Variants in PRUNE2 observed in about 807,000 individuals in gnomAD.
PRUNE2 encodes protein prune homolog 2.
In PRUNE2, 164 loss-of-function variants were observed where a neutral mutation model predicts 252.0. That is an observed-to-expected ratio of 0.65 (90% CI 0.57 to 0.74). The LOEUF is 0.74. PRUNE2 is among the 30% of genes least tolerant of loss of function. The pLI, the probability that PRUNE2 is intolerant of heterozygous loss-of-function variation, is 0.00. For synonymous variants in PRUNE2, 1,292 were observed against 1,350.2 expected, an observed-to-expected ratio of 0.96 and a Z score of 0.94; for missense variants, 3,495 against 3,711.0, an observed-to-expected ratio of 0.94 and a Z score of 1.51.
intron 1 of PRUNE2, among the ~76,000 whole-genome samples, chr9:76,859,490 T>A (rs2060437438): frequency 6.6e-6 from 1 of 152,084 alleles, no homozygotes; most frequent in African/African-American, 2.4e-5. Flanking sequence ...AGAAGCAAGG[T>A]TGCTGCTGCC....
At chr9:76,694,266 T>C (rs2134537181) in intron 9 of PRUNE2, among the ~76,000 whole-genome samples, 1 of 151,740 alleles carries the variant, frequency 6.6e-6, no homozygotes, top group Non-Finnish European at 1.5e-5. Flanking sequence ...CACTGCAACC[T>C]CTGCCTCCCA....
At chr9:76,737,221 GT>G (rs1370295938) in intron 6 of PRUNE2, 2 of 152,164 alleles carry the variant, frequency 1.3e-5, no homozygotes, top group Non-Finnish European at 2.9e-5. Context: ...CTATTTATTA[GT>G]AAGCTGCCAG....
chr9:76,617,446 C>T (rs962606523), intron 18 of PRUNE2, among the ~76,000 whole-genome samples: 8 of 151,748 alleles, frequency 5.3e-5, no homozygotes, highest in African/African-American at 1.9e-4. Context: ...TGTAAAGGTG[C>T]CAGAAGAAGT....
intron 6 of PRUNE2, among the ~76,000 whole-genome samples, chr9:76,746,255 G>A (rs1478921921): frequency 1.3e-5 from 2 of 152,174 alleles, no homozygotes; most frequent in Admixed American, 6.5e-5. Context: ...TTCAGGATTG[G>A]AACTGGTCAC....
chr9:76,621,007 G>T (rs1325111911), intron 17 of PRUNE2, among the ~76,000 whole-genome samples: 1 of 152,152 alleles, frequency 6.6e-6, no homozygotes, highest in Non-Finnish European at 1.5e-5. Flanking sequence ...GATAAGGCAG[G>T]CTGAGGAAAT....
At chr9:76,769,572 C>T (rs916805654) in intron 6 of PRUNE2, among the ~76,000 whole-genome samples, 6 of 152,168 alleles carry the variant, frequency 3.9e-5, no homozygotes, top group Non-Finnish European at 8.8e-5. Flanking sequence ...ATTACAGGCA[C>T]GTGCCACCAT....
chr9:76,621,968 G>C (rs1832529550), intron 17 of PRUNE2, among the ~76,000 whole-genome samples: 1 of 152,092 alleles, frequency 6.6e-6, no homozygotes, highest in Non-Finnish European at 1.5e-5. Flanking sequence ...TTACAGGGCT[G>C]AGCAACCTCA....
intron 1 of PRUNE2, among the ~76,000 whole-genome samples, chr9:76,877,026 A>G (rs888497395): frequency 2.6e-5 from 4 of 152,168 alleles, no homozygotes; most frequent in African/African-American, 9.7e-5. Context: ...TCTTTGATCT[A>G]GATATATGTG....
In PRUNE2 at chr9:76,649,361, T is replaced by G. The variant is rs567825921; in HGVS notation, c.8557+3122A>C. ...ATTGTTCTATAATTTGTTCCTATCA[T>G]CTATTAAAACAGTACAGGTTTGAGA... On this transcript the variant is annotated intron_variant, in intron 11 of 18. Transcript: ENST00000376718. 9.4e-3 allele frequency among the ~76,000 whole-genome samples: 1,322 copies of G among 140,208 alleles called. 21 individuals carry two copies. The highest frequency in any genetic ancestry group is 0.033 in the African/African-American group (1,237 of 37,322). 92.0% of individuals were successfully genotyped at this position (140,208 alleles called of 152,430 possible).
intron 6 of PRUNE2, among the ~76,000 whole-genome samples, chr9:76,816,189 T>C (rs1407504182): frequency 6.6e-6 from 1 of 151,494 alleles, no homozygotes; most frequent in East Asian, 1.9e-4. Flanking sequence ...AAGAATTATA[T>C]TATAAGCATT....
intron 6 of PRUNE2, among the ~76,000 whole-genome samples, chr9:76,768,613 GTGTGTGTGTGTA>G (rs1173621307): frequency 1.4e-5 from 2 of 144,890 alleles, no homozygotes; most frequent in African/African-American, 5.3e-5. Flanking sequence ...GTGTGTGTGT[GTGTGTGTGTGTA>G]TATCCCTGCT....
chr9:76,756,409 C>T (rs2130600549), intron 6 of PRUNE2, among the ~76,000 whole-genome samples: 1 of 152,338 alleles, frequency 6.6e-6, no homozygotes, highest in South Asian at 2.1e-4. Flanking sequence ...TGGTAAACCC[C>T]TGGGAGCTGC....
Position 76,710,991 on chromosome 9 carries a change from CTG to C in PRUNE2, c.1281_1282del (p.Asp427GlufsTer7). ...GCTGCTCCTAATGGTAGCCAGTCCG[CTG>C]TCTGGGCTAACAAGGTCTACATTGG... is the stretch of plus-strand genomic sequence containing the variant. On this transcript the variant is annotated frameshift_variant, in exon 8 of 19. Coordinates refer to ENST00000376718, the MANE Select transcript of PRUNE2 (RefSeq NM_015225.3). LOFTEE classifies it high-confidence loss of function. The C allele has an allele frequency of 6.2e-7, 1 of 1,612,112 alleles. No individual in the cohort carries two copies. The highest frequency in any genetic ancestry group is 8.5e-7 in the Non-Finnish European group (1 of 1,178,896).
intron 4 of PRUNE2, among the ~76,000 whole-genome samples, chr9:76,829,634 C>T (rs1291410920): frequency 6.6e-6 from 1 of 152,138 alleles, no homozygotes; most frequent in Non-Finnish European, 1.5e-5. Flanking sequence ...AAGATATTTA[C>T]TATCTGGACC....
intron 6 of PRUNE2, among the ~76,000 whole-genome samples, chr9:76,722,224 ATTT>A (rs57390775): frequency 7.7e-6 from 1 of 130,554 alleles, no homozygotes; most frequent in African/African-American, 2.8e-5. Flanking sequence ...ACACCCTGCT[ATTT>A]TTTTTTTTTT....
rs1297124234 is a variant in PRUNE2 at position 76,710,374 on chromosome 9, T to C, written c.1900A>G (p.Met634Val). Residue 634 changes from methionine to valine, a missense_variant, in exon 8 of 19, where the codon ATG becomes GTG. Met to Val is a conservative substitution (Grantham distance 21). Transcript: ENST00000376718. ...EEPASLYTED[M>V]TQKATDTGHM... ...CCTGTGTCAGTTGCTTTTTGGGTCATATCTTCTGTATAGAGTGAGGCTGGT... is the reference window on the plus strand; with the variant it reads ...CCTGTGTCAGTTGCTTTTTGGGTCACATCTTCTGTATAGAGTGAGGCTGGT... 1.2e-6 allele frequency: 2 copies of C among 1,613,884 alleles called. No individual in the cohort carries two copies. Among genetic ancestry groups the C allele is most frequent in the Non-Finnish European group, 1.7e-6 (2 of 1,179,894 alleles).
chr9:76,886,627 C>T (rs1414086043), intron 1 of PRUNE2, among the ~76,000 whole-genome samples: 1 of 152,180 alleles, frequency 6.6e-6, no homozygotes, highest in Non-Finnish European at 1.5e-5. Flanking sequence ...GCCCCAAATG[C>T]ACTGTGTTCA....
chr9:76,795,551 G>T (rs778264976), intron 6 of PRUNE2, among the ~76,000 whole-genome samples: 42 of 149,376 alleles, frequency 2.8e-4, no homozygotes, highest in Admixed American at 2.0e-3. Context: ...TAGCCCCTGG[G>T]GGGGAGCATG....
intron 10 of PRUNE2, among the ~76,000 whole-genome samples, chr9:76,653,956 GA>G (rs1354832194): frequency 6.6e-5 from 10 of 152,172 alleles, no homozygotes; most frequent in Admixed American, 5.9e-4. Flanking sequence ...CAAAGGTAGA[GA>G]CATACCCTAC....
Sources: gnomAD v4.1 joint callset for allele counts (sites outside exome capture counted in the v4.1 genomes callset) on GRCh38, gnomAD v4.1.1 for gene constraint, MANE v1.5 for transcripts, NCBI Gene and HGNC (gene_info 2026-07-23, HGNC 2026-07-21) for gene names.